Variants in ZNF277 observed in about 807,000 individuals in gnomAD.
ZNF277 encodes the protein nuclear receptor-interacting factor 4.
ZNF277 carries 55 observed loss-of-function variants against 60.7 expected under a neutral mutation model. That is an observed-to-expected ratio of 0.91 (90% CI 0.73 to 1.13). The LOEUF is 1.13. Ranked by LOEUF, ZNF277 falls within the 50% of genes most tolerant of loss-of-function variation. The probability of loss-of-function intolerance (pLI) is 0.00; values close to 1 mark genes in which losing one functional copy is unlikely to be tolerated. For missense variants in ZNF277, 510 were observed against 523.0 expected (o/e 0.98, Z 0.24); for synonymous variants, 178 against 179.3 (o/e 0.99, Z 0.06).
intron 2 of ZNF277, 173 bp downstream of exon 2, chr7:112,287,247 C>A: frequency 4.8e-6 from 3 of 624,394 alleles, no homozygotes; most frequent in Non-Finnish European, 8.3e-6. Flanking sequence ...CAATGGCATG[C>A]ACCTGTAGTT....
intron 9 of ZNF277, 109 bp downstream of exon 9, chr7:112,337,935 C>A: frequency 1.1e-6 from 1 of 877,342 alleles, no homozygotes; most frequent in East Asian, 3.0e-5. Flanking sequence ...TTATTCCAAC[C>A]AGAAGAGACA....
intron 4 of ZNF277, among the ~76,000 whole-genome samples, chr7:112,308,028 A>C (rs1792640138): frequency 6.6e-6 from 1 of 151,976 alleles, no homozygotes; most frequent in South Asian, 2.1e-4. Flanking sequence ...GTGTTGACTT[A>C]CCTATCAATT....
intron 5 of ZNF277, among the ~76,000 whole-genome samples, chr7:112,321,869 A>G (rs1290471827): frequency 6.6e-6 from 1 of 152,106 alleles, no homozygotes; most frequent in Admixed American, 6.5e-5. Context: ...GCCTGCCTGT[A>G]TGTAAGGAGT....
intron 5 of ZNF277, among the ~76,000 whole-genome samples, chr7:112,326,392 A>G (rs1584413090): frequency 6.6e-6 from 1 of 151,716 alleles, no homozygotes; most frequent in Non-Finnish European, 1.5e-5. Flanking sequence ...ACACACACAC[A>G]CCTACCACAC....
chr7:112,303,328 A>C (rs1172174414), intron 4 of ZNF277, among the ~76,000 whole-genome samples: 2 of 152,134 alleles, frequency 1.3e-5, no homozygotes, highest in South Asian at 4.1e-4. Flanking sequence ...GTATGTAAAT[A>C]AATAATAATA....
intron 1 of ZNF277, among the ~76,000 whole-genome samples, chr7:112,216,285 G>C (rs1361876484): frequency 2.0e-5 from 3 of 152,056 alleles, no homozygotes; most frequent in Non-Finnish European, 4.4e-5. Context: ...AGAAGAACTA[G>C]GTTTTTTTTG....
At chr7:112,280,217 C>T (rs1329432383) in intron 1 of ZNF277, among the ~76,000 whole-genome samples, 2 of 151,986 alleles carry the variant, frequency 1.3e-5, no homozygotes, top group Non-Finnish European at 2.9e-5. Flanking sequence ...ATGGCCATTA[C>T]ACCTACTGAA....
intron 1 of ZNF277, among the ~76,000 whole-genome samples, chr7:112,240,433 A>G (rs552538492): frequency 6.6e-6 from 1 of 152,324 alleles, no homozygotes; most frequent in Non-Finnish European, 1.5e-5. Context: ...GATTGTTTGT[A>G]ACACAAAGAA....
intron 1 of ZNF277, among the ~76,000 whole-genome samples, chr7:112,225,640 A>G (rs1319505942): frequency 1.3e-5 from 2 of 152,172 alleles, no homozygotes; most frequent in Admixed American, 6.5e-5. Flanking sequence ...AACCATGCAT[A>G]TTTACATGTT....
intron 1 of ZNF277, among the ~76,000 whole-genome samples, chr7:112,260,860 A>T (rs1264049820): frequency 6.6e-6 from 1 of 152,156 alleles, no homozygotes; most frequent in Non-Finnish European, 1.5e-5. Context: ...GCATTGAGTG[A>T]TTGTGTTTTT....
chr7:112,321,660 T>G lies in ZNF277; in HGVS notation c.557+3387T>G, dbSNP rs540977248. 1.1e-4 allele frequency among the ~76,000 whole-genome samples: 16 copies of G among 152,282 alleles called. No homozygotes were observed. The East Asian group carries it at 1.5e-3, about 15-fold the overall frequency. Reference sequence around the variant, plus strand: ...TCTTGTTGGAGAGATCTGCTAGTAATGAATTCTTTCAGTTTCTGTTTATCT... The same window carrying G: ...TCTTGTTGGAGAGATCTGCTAGTAAGGAATTCTTTCAGTTTCTGTTTATCT... On this transcript the variant is annotated intron_variant, in intron 5 of 11. Transcript: ENST00000361822.
At chr7:112,221,258 C>T (rs1016720299) in intron 1 of ZNF277, among the ~76,000 whole-genome samples, 4 of 152,156 alleles carry the variant, frequency 2.6e-5, no homozygotes, top group African/African-American at 9.7e-5. Context: ...TGACCCACGG[C>T]TTCTAATAGA....
intron 11 of ZNF277, 50 bp from the exon 12 acceptor site, chr7:112,342,511 C>T: frequency 7.2e-7 from 1 of 1,398,186 alleles, no homozygotes; most frequent in Non-Finnish European, 9.5e-7. Context: ...GCTACCTGGA[C>T]ACTGTATTAG....
intron 7 of ZNF277, among the ~76,000 whole-genome samples, chr7:112,331,917 G>A (rs1019592665): frequency 2.0e-5 from 3 of 152,190 alleles, no homozygotes; most frequent in Non-Finnish European, 4.4e-5. Context: ...ACATTATATA[G>A]CTGGAGGTTT....
intron 1 of ZNF277, among the ~76,000 whole-genome samples, chr7:112,215,197 T>C (rs1821848793): frequency 6.6e-6 from 1 of 152,210 alleles, no homozygotes; most frequent in Admixed American, 6.5e-5. Context: ...GACCTCATTA[T>C]TACTATTATG....
intron 1 of ZNF277, among the ~76,000 whole-genome samples, chr7:112,219,272 C>G (rs143921282): frequency 6.9e-4 from 105 of 152,122 alleles, no homozygotes; most frequent in African/African-American, 1.8e-3. Flanking sequence ...CTTTTGGGGT[C>G]GTGTACAAAA....
At chr7:112,211,675 A>G (rs1821752615) in intron 1 of ZNF277, among the ~76,000 whole-genome samples, 1 of 152,212 alleles carries the variant, frequency 6.6e-6, no homozygotes, top group African/African-American at 2.4e-5. Flanking sequence ...ATTCTGCTAC[A>G]TGTATAATTA....
chr7:112,284,516 A>G (rs1172676764), intron 1 of ZNF277, among the ~76,000 whole-genome samples: 1 of 152,172 alleles, frequency 6.6e-6, no homozygotes, highest in Non-Finnish European at 1.5e-5. Flanking sequence ...AAGTTAACCT[A>G]CTACTAAAAA....
chr7:112,274,952 A>G (rs1791759329), intron 1 of ZNF277, among the ~76,000 whole-genome samples: 2 of 152,166 alleles, frequency 1.3e-5, no homozygotes, highest in South Asian at 4.1e-4. Context: ...AGCACTTACC[A>G]GTCACTTTGT....
Sources: allele counts gnomAD v4.1 joint callset (sites outside exome capture counted in the v4.1 genomes callset), GRCh38; gene constraint gnomAD v4.1.1; transcripts MANE v1.5; gene names NCBI Gene and HGNC (gene_info 2026-07-23, HGNC 2026-07-21).